The following IL1RAPL2 variants were observed in gnomAD, a reference collection of about 807,000 sequenced individuals.
The protein encoded by IL1RAPL2 is interleukin 1 receptor accessory protein like 2.
IL1RAPL2 carries 3 observed loss-of-function variants against 44.1 expected under a neutral mutation model. The observed-to-expected ratio is 0.07, with a 90% confidence interval of 0.03 to 0.18. The LOEUF (loss-of-function observed/expected upper bound fraction) is 0.18, where lower values mean the gene tolerates loss of function less well. IL1RAPL2 is among the 10% of genes least tolerant of loss of function. IL1RAPL2 has a pLI of 1.00. For synonymous variants in IL1RAPL2, 181 were observed against 178.8 expected, an observed-to-expected ratio of 1.01 and a Z score of -0.10; for missense variants, 391 against 496.4, an observed-to-expected ratio of 0.79 and a Z score of 2.02.
chrX:105,235,899 G>A (rs2034116055), intron 4 of IL1RAPL2, among the ~76,000 whole-genome samples: 1 of 111,592 alleles, frequency 9.0e-6, no homozygotes, highest in Non-Finnish European at 1.9e-5. Flanking sequence ...GTTACACAGT[G>A]AACAAAGCCT....
rs541800640 is a variant in IL1RAPL2 at position 105,473,886 on chromosome X, C to T, written c.698-10427C>T. Reference sequence around the variant, plus strand: ...ACAATATGTTATTCCATATGACAGCCGCAATGTCATATTCTGCTTCTTTAA... The same window carrying T: ...ACAATATGTTATTCCATATGACAGCTGCAATGTCATATTCTGCTTCTTTAA... On this transcript the variant is annotated intron_variant, in intron 5 of 10. Transcript: ENST00000372582. Among the ~76,000 whole-genome samples, 5 of 111,559 alleles carry T rather than the reference C, an allele frequency of 4.5e-5. No individual in the cohort carries two copies. The East Asian group carries it at 8.5e-4, about 19-fold the overall frequency.
chrX:105,167,510 G>T (rs1017237629), intron 2 of IL1RAPL2, among the ~76,000 whole-genome samples: 3 of 111,640 alleles, frequency 2.7e-5, no homozygotes, highest in African/African-American at 9.8e-5. Context: ...CAGTCTACTG[G>T]TGAGTCACTT....
intron 2 of IL1RAPL2, among the ~76,000 whole-genome samples, chrX:104,767,262 G>A (rs1214123256): frequency 9.0e-6 from 1 of 111,704 alleles, no homozygotes; most frequent in Non-Finnish European, 1.9e-5. Flanking sequence ...GAGTGCCCCT[G>A]GAAGTTGATT....
intron 2 of IL1RAPL2, among the ~76,000 whole-genome samples, chrX:104,874,603 G>A (rs1342730975): frequency 9.0e-6 from 1 of 110,724 alleles, no homozygotes; most frequent in African/African-American, 3.3e-5. Context: ...AGTAGAAATC[G>A]GCAAAATTGG....
chrX:105,741,253 G>C (rs1476528806), intron 8 of IL1RAPL2, among the ~76,000 whole-genome samples: 3 of 111,057 alleles, frequency 2.7e-5, no homozygotes, highest in Non-Finnish European at 5.7e-5. Context: ...AGACGGGGTG[G>C]AAATTGTATA....
intron 2 of IL1RAPL2, among the ~76,000 whole-genome samples, chrX:105,139,795 A>G (rs779191303): frequency 2.5e-4 from 28 of 112,660 alleles, no homozygotes; most frequent in African/African-American, 8.7e-4. Flanking sequence ...TTTAAGGGAC[A>G]CATCCAGTCC....
chrX:104,904,013 A>G (rs1178576510), intron 2 of IL1RAPL2, among the ~76,000 whole-genome samples: 4 of 111,741 alleles, frequency 3.6e-5, no homozygotes, highest in Non-Finnish European at 5.6e-5. Context: ...TTTCACCTGT[A>G]GTTTGGATTG....
intron 2 of IL1RAPL2, among the ~76,000 whole-genome samples, chrX:105,166,878 G>A (rs773852360): frequency 1.8e-5 from 2 of 112,141 alleles, no homozygotes; most frequent in Non-Finnish European, 3.8e-5. Context: ...TCTTGGTTGT[G>A]TTTTTAAAGT....
At chrX:104,579,365 T>C (rs763151833) in intron 1 of IL1RAPL2, among the ~76,000 whole-genome samples, 10 of 111,784 alleles carry the variant, frequency 8.9e-5, no homozygotes, top group African/African-American at 2.9e-4. Flanking sequence ...CCGTGGAAGA[T>C]TGGATAAAGA....
intron 6 of IL1RAPL2, among the ~76,000 whole-genome samples, chrX:105,715,552 T>C (rs1397468181): frequency 9.0e-6 from 1 of 111,300 alleles, no homozygotes; most frequent in Non-Finnish European, 1.9e-5. Flanking sequence ...GTAAGGGAAA[T>C]TCTCAGGCCT....
chrX:105,142,962 AT>A (rs2033139912), intron 2 of IL1RAPL2, among the ~76,000 whole-genome samples: 1 of 110,898 alleles, frequency 9.0e-6, no homozygotes, highest in African/African-American at 3.3e-5. Flanking sequence ...TGAACTCATC[AT>A]TTTTTATGGC....
chrX:105,581,986 G>A (rs1768794126), intron 6 of IL1RAPL2, among the ~76,000 whole-genome samples: 1 of 110,998 alleles, frequency 9.0e-6, no homozygotes, highest in Non-Finnish European at 1.9e-5. Flanking sequence ...CTTTTGATTT[G>A]GGGTGTTAAT....
chrX:105,647,745 C>T (rs1425494143), intron 6 of IL1RAPL2, among the ~76,000 whole-genome samples: 1 of 112,560 alleles, frequency 8.9e-6, no homozygotes, highest in African/African-American at 3.2e-5. Flanking sequence ...CTCCATTCTT[C>T]CCTTTCTCCT....
chrX:104,668,240 A>G (rs746419879), intron 2 of IL1RAPL2, among the ~76,000 whole-genome samples: 1 of 111,097 alleles, frequency 9.0e-6, no homozygotes, highest in Admixed American at 9.6e-5. Flanking sequence ...AATGTTGGTT[A>G]AGGCGCTTTA....
chrX:104,669,840 T>A (rs1309587889), intron 2 of IL1RAPL2, among the ~76,000 whole-genome samples: 1 of 111,725 alleles, frequency 9.0e-6, no homozygotes, highest in Non-Finnish European at 1.9e-5. Flanking sequence ...CAATTTTTAA[T>A]CTATTTAAAT....
chrX:105,031,294 G>T lies in IL1RAPL2; in HGVS notation c.83-164181G>T, dbSNP rs534417619. 5.9e-4 allele frequency among the ~76,000 whole-genome samples: 64 copies of T among 107,572 alleles called. No individual in the cohort carries two copies. The South Asian group carries it at 0.026, about 43-fold the overall frequency. 93.4% of individuals were successfully genotyped at this position (107,572 alleles called of 115,157 possible). ...TCCAACACTATGTTGAATAGGAGTG[G>T]TGAGAGAGGGCATCCCTGTCTTGTG... On this transcript the variant is annotated intron_variant, in intron 2 of 10. Coordinates refer to ENST00000372582, the MANE Select transcript of IL1RAPL2 (RefSeq NM_017416.2).
chrX:105,031,710 T>A (rs1241621248), intron 2 of IL1RAPL2, among the ~76,000 whole-genome samples: 1 of 111,991 alleles, frequency 8.9e-6, no homozygotes, highest in Non-Finnish European at 1.9e-5. Flanking sequence ...ATTCTCTTTT[T>A]TGGTTGTGTC....
intron 10 of IL1RAPL2, among the ~76,000 whole-genome samples, chrX:105,761,655 G>C (rs763388662): frequency 8.9e-6 from 1 of 111,810 alleles, no homozygotes; most frequent in South Asian, 3.7e-4. Context: ...AATTAATGGA[G>C]TATTATCTGT....
At chrX:105,590,321 A>G (rs1227191788) in intron 6 of IL1RAPL2, among the ~76,000 whole-genome samples, 3 of 111,209 alleles carry the variant, frequency 2.7e-5, no homozygotes, top group Non-Finnish European at 5.7e-5. Context: ...TATTATCTGC[A>G]AACAGAGATA....
Sources: allele counts gnomAD v4.1 joint callset (sites outside exome capture counted in the v4.1 genomes callset), GRCh38; gene constraint gnomAD v4.1.1; transcripts MANE v1.5; gene names NCBI Gene and HGNC (gene_info 2026-07-23, HGNC 2026-07-21).